Variants in AXDND1 observed in about 807,000 individuals in gnomAD.
AXDND1 encodes the protein axonemal dynein light chain domain containing 1.
Under a neutral mutation model 137.5 loss-of-function variants are expected in AXDND1, and 110 were observed. The ratio of observed to expected loss-of-function variants is 0.80; its 90% CI spans 0.69 to 0.94. AXDND1 has a LOEUF of 0.94. AXDND1 is among the 40% of genes least tolerant of loss of function. The pLI is 0.00. For missense variants in AXDND1, 1,191 were observed against 1,169.8 expected, an observed-to-expected ratio of 1.02 and a Z score of -0.26; for synonymous variants, 414 against 399.7, an observed-to-expected ratio of 1.04 and a Z score of -0.43.
chr1:179,387,182 G>C (rs1289577810), intron 9 of AXDND1, among the ~76,000 whole-genome samples: 1 of 152,090 alleles, frequency 6.6e-6, no homozygotes, highest in Non-Finnish European at 1.5e-5. Context: ...AATTGTCTTA[G>C]TCTGCCTTGT....
chr1:179,434,020 A>G (rs1410422233), intron 15 of AXDND1, among the ~76,000 whole-genome samples: 1 of 152,136 alleles, frequency 6.6e-6, no homozygotes, highest in Admixed American at 6.5e-5. Flanking sequence ...AACTTGTTTT[A>G]TGAATCTGGG....
At chr1:179,519,078 C>A (rs534486863) in intron 21 of AXDND1, among the ~76,000 whole-genome samples, 1 of 152,258 alleles carries the variant, frequency 6.6e-6, no homozygotes, top group South Asian at 2.1e-4. Flanking sequence ...ATAATAGTTG[C>A]CATTCTGACT....
intron 11 of AXDND1, among the ~76,000 whole-genome samples, chr1:179,408,414 G>A (rs1476895180): frequency 1.3e-5 from 2 of 148,948 alleles, no homozygotes; most frequent in Non-Finnish European, 1.5e-5. Flanking sequence ...ATCTCACTCT[G>A]TTGCCAGGCT....
intron 20 of AXDND1, among the ~76,000 whole-genome samples, chr1:179,505,545 G>C (rs1038671013): frequency 2.0e-5 from 3 of 151,972 alleles, no homozygotes; most frequent in Non-Finnish European, 4.4e-5. Context: ...CTACTCAGGA[G>C]GTTGAGGCAG....
In AXDND1 at chr1:179,516,404, G is replaced by A. The variant is rs557840794; in HGVS notation, c.2496+7001G>A. ...CTTGCATTGGGCTTCGCCTTTCTCTGGTGCCTCCCTGATTAGCTTAATAAC... is the reference window on the plus strand; with the variant it reads ...CTTGCATTGGGCTTCGCCTTTCTCTAGTGCCTCCCTGATTAGCTTAATAAC... On this transcript the variant is annotated intron_variant, in intron 21 of 25. Transcript: ENST00000367618. 3.0e-4 allele frequency among the ~76,000 whole-genome samples: 46 copies of A among 152,086 alleles called. 1 individual carries two copies. The South Asian group carries it at 6.9e-3, about 23-fold the overall frequency.
intron 16 of AXDND1, among the ~76,000 whole-genome samples, chr1:179,466,403 G>C (rs919486573): frequency 4.7e-5 from 7 of 150,112 alleles, no homozygotes; most frequent in African/African-American, 1.7e-4. Context: ...GGGATTATAG[G>C]CATGAGCCAC....
chr1:179,370,021 G>C lies in AXDND1; in HGVS notation c.317G>C (p.Arg106Pro). ...LVDHVWHHPV[R>P]RNKFKYLIDH... ...GACCATGTCTGGCATCACCCTGTTC[G>C]AAGGAATAAATTCAAATACCTGATT... Residue 106 changes from arginine (R) to proline (P), a missense_variant, in exon 4 of 26, where the codon CGA (arginine) becomes CCA (proline). Coordinates refer to ENST00000367618, the MANE Select transcript of AXDND1 (RefSeq NM_144696.6). 1.9e-6 allele frequency: 3 copies of C among 1,613,996 alleles called. No individual in the cohort carries two copies. Among genetic ancestry groups the C allele is most frequent in the Non-Finnish European group, 2.5e-6 (3 of 1,179,972 alleles).
intron 20 of AXDND1, 129 bp from the exon 21 acceptor site, chr1:179,509,167 T>C: frequency 1.7e-6 from 1 of 599,220 alleles, no homozygotes; most frequent in Non-Finnish European, 2.9e-6. Flanking sequence ...CACAACTCTT[T>C]GAACTGAACT....
intron 23 of AXDND1, among the ~76,000 whole-genome samples, chr1:179,530,321 G>T (rs552998640): frequency 6.6e-6 from 1 of 152,094 alleles, no homozygotes; most frequent in Non-Finnish European, 1.5e-5. Context: ...GAGCCACCAC[G>T]CCCGGCCAAA....
rs747549989 is a variant in AXDND1 at position 179,468,488 on chromosome 1, G to C, written c.1844G>C (p.Cys615Ser). 3.1e-6 allele frequency: 5 copies of C among 1,612,848 alleles called. No individual in the cohort carries two copies. The highest frequency in any genetic ancestry group is 3.4e-6 in the Non-Finnish European group (4 of 1,179,722). Residue 615 changes from cysteine to serine, a missense_variant, in exon 17 of 26, where the codon TGT becomes TCT. By Grantham distance (112) the Cys-to-Ser change is moderately radical. Coordinates refer to ENST00000367618, the MANE Select transcript of AXDND1 (RefSeq NM_144696.6). Reference protein sequence around the residue: ...LPSLISSLDFCSFKLENLEFP... With the variant: ...LPSLISSLDFSSFKLENLEFP... ...AGTTTGATTAGTTCTCTTGACTTCT[G>C]TTCTTTCAAGTTGGAAAACCTGGAG...
At chr1:179,421,141 A>G (rs1655646723) in intron 12 of AXDND1, among the ~76,000 whole-genome samples, 1 of 141,946 alleles carries the variant, frequency 7.0e-6, no homozygotes, top group African/African-American at 2.7e-5. Flanking sequence ...GCATGAATTT[A>G]TATCCAGGTT....
intron 12 of AXDND1, among the ~76,000 whole-genome samples, chr1:179,421,035 C>G (rs1655600902): frequency 7.4e-6 from 1 of 134,692 alleles, no homozygotes. Flanking sequence ...ATTTGGGTAT[C>G]CCTTCCTTCC....
chr1:179,483,038 C>A, intron 17 of AXDND1, 90 bp from the exon 18 acceptor site: 1 of 827,036 alleles, frequency 1.2e-6, no homozygotes, highest in Non-Finnish European at 1.8e-6. Context: ...TTACAATACC[C>A]AGCCAAATAA....
chr1:179,513,980 G>A (rs968686698), intron 21 of AXDND1, among the ~76,000 whole-genome samples: 1 of 151,972 alleles, frequency 6.6e-6, no homozygotes, highest in African/African-American at 2.4e-5. Flanking sequence ...CTTGCTAATA[G>A]TCTATCAAAT....
intron 20 of AXDND1, chr1:179,506,796 C>T (rs1668580787): frequency 2.1e-6 from 2 of 933,878 alleles, no homozygotes; most frequent in Non-Finnish European, 2.6e-6. Flanking sequence ...GTCTGCCATC[C>T]ACCTTGGACC....
intron 15 of AXDND1, among the ~76,000 whole-genome samples, chr1:179,433,021 A>G (rs1657618248): frequency 6.6e-6 from 1 of 152,100 alleles, no homozygotes; most frequent in African/African-American, 2.4e-5. Context: ...GGGTCAAATT[A>G]AGTTAGGCTG....
At chr1:179,423,006 C>T (rs573094512) in intron 12 of AXDND1, among the ~76,000 whole-genome samples, 19 of 152,092 alleles carry the variant, frequency 1.2e-4, no homozygotes, top group African/African-American at 2.4e-4. Context: ...TCAAGTGATC[C>T]GCCCACCTTA....
At chr1:179,482,062 A>G (rs1425918165) in intron 17 of AXDND1, among the ~76,000 whole-genome samples, 2 of 148,482 alleles carry the variant, frequency 1.3e-5, no homozygotes, top group Non-Finnish European at 3.0e-5. Context: ...TTGCAAATGA[A>G]GTTAGTTTAT....
intron 25 of AXDND1, chr1:179,546,331 T>G: frequency 6.7e-6 from 1 of 149,784 alleles, no homozygotes; most frequent in Non-Finnish European, 1.5e-5. Flanking sequence ...AAAAAAAGTA[T>G]GCCCCAGGGA....
Sources: allele counts gnomAD v4.1 joint callset (sites outside exome capture counted in the v4.1 genomes callset), GRCh38; gene constraint gnomAD v4.1.1; transcripts MANE v1.5; gene names NCBI Gene and HGNC (gene_info 2026-07-23, HGNC 2026-07-21).